Variants in NELL2 observed in about 807,000 individuals in gnomAD.
The protein encoded by NELL2 is neural EGFL like 2, also known as protein kinase C-binding protein NELL2.
NELL2 carries 41 observed loss-of-function variants against 109.6 expected under a neutral mutation model. The ratio of observed to expected loss-of-function variants is 0.37; its 90% CI spans 0.29 to 0.49. The LOEUF is 0.49. Among genes scored for constraint, NELL2 ranks in the 20% least tolerant of loss-of-function variants. The pLI, the probability that NELL2 is intolerant of heterozygous loss-of-function variation, is 0.98. For synonymous variants in NELL2, 355 were observed against 344.7 expected (o/e 1.03, Z -0.33); for missense variants, 900 against 1,008.3 (o/e 0.89, Z 1.45).
intron 2 of NELL2, among the ~76,000 whole-genome samples, chr12:44,853,797 T>C (rs1411233948): frequency 6.6e-6 from 1 of 152,192 alleles, no homozygotes; most frequent in African/African-American, 2.4e-5. Flanking sequence ...TCTATTTTTA[T>C]AGTATAATTA....
At chr12:44,789,744 G>C (rs1482564943) in intron 3 of NELL2, among the ~76,000 whole-genome samples, 4 of 151,948 alleles carry the variant, frequency 2.6e-5, no homozygotes, top group African/African-American at 9.7e-5. Context: ...AGTGAAGGGA[G>C]AAATAGTCAA....
At chr12:44,894,208 T>G (rs1479649367) in intron 1 of NELL2, among the ~76,000 whole-genome samples, 1 of 152,218 alleles carries the variant, frequency 6.6e-6, no homozygotes, top group Non-Finnish European at 1.5e-5. Flanking sequence ...TACACACACT[T>G]TGAATGAACA....
intron 1 of NELL2, among the ~76,000 whole-genome samples, chr12:44,919,709 G>C (rs1045111808): frequency 2.0e-5 from 3 of 152,110 alleles, no homozygotes; most frequent in Admixed American, 6.6e-5. Context: ...GCATGGAATC[G>C]ATTCTCTCCC....
chr12:44,652,221 T>G (rs560470531), intron 13 of NELL2, among the ~76,000 whole-genome samples: 2 of 152,332 alleles, frequency 1.3e-5, no homozygotes, highest in East Asian at 3.9e-4. Context: ...AAATCTACAT[T>G]TTTTATAGTT....
intron 15 of NELL2, among the ~76,000 whole-genome samples, chr12:44,549,338 T>C (rs914870848): frequency 6.6e-6 from 1 of 152,164 alleles, no homozygotes; most frequent in African/African-American, 2.4e-5. Context: ...CAGTCTCTTA[T>C]TATTCTGCTG....
intron 9 of NELL2, among the ~76,000 whole-genome samples, chr12:44,757,762 T>C (rs1211894870): frequency 1.3e-5 from 2 of 152,118 alleles, no homozygotes; most frequent in African/African-American, 2.4e-5. Context: ...TGAAAAATAC[T>C]GTGGCAGTAT....
intron 19 of NELL2, among the ~76,000 whole-genome samples, chr12:44,518,145 CTT>C (rs1253333486): frequency 6.6e-6 from 1 of 151,934 alleles, no homozygotes; most frequent in Non-Finnish European, 1.5e-5. Flanking sequence ...AAAGAAATGA[CTT>C]TAATATCAAA....
At chr12:44,858,235 A>G (rs1442167116) in intron 2 of NELL2, among the ~76,000 whole-genome samples, 16 of 152,214 alleles carry the variant, frequency 1.1e-4, no homozygotes, top group Admixed American at 1.0e-3. Context: ...CTGGAGATGA[A>G]GATGTCTAGC....
intron 1 of NELL2, chr12:44,913,733 C>T: frequency 1.6e-6 from 1 of 616,884 alleles, no homozygotes; most frequent in Non-Finnish European, 2.7e-6. Context: ...ACTATACCCT[C>T]CTTAAAGAAT....
At chr12:44,814,317 A>T (rs931070763) in intron 3 of NELL2, among the ~76,000 whole-genome samples, 5 of 152,224 alleles carry the variant, frequency 3.3e-5, no homozygotes, top group Admixed American at 2.6e-4. Context: ...GCAAAATCTA[A>T]TGTGCAAAAT....
chr12:44,872,856 C>T (rs543431602), intron 2 of NELL2, among the ~76,000 whole-genome samples: 53 of 152,162 alleles, frequency 3.5e-4, no homozygotes, highest in Non-Finnish European at 6.5e-4. Context: ...GCACCCTCAA[C>T]TCACTGTAAA....
At chr12:44,749,821 A>G (rs759006231) in intron 9 of NELL2, among the ~76,000 whole-genome samples, 5 of 152,148 alleles carry the variant, frequency 3.3e-5, no homozygotes, top group Admixed American at 6.5e-5. Flanking sequence ...ATAAAAAGAA[A>G]CAGACACAAT....
At chr12:44,563,980 A>G (rs1186165000) in intron 15 of NELL2, among the ~76,000 whole-genome samples, 1 of 152,212 alleles carries the variant, frequency 6.6e-6, no homozygotes, top group Non-Finnish European at 1.5e-5. Flanking sequence ...GCATATATTG[A>G]TATAATCCTA....
At chr12:44,714,550 A>G (rs1334368759) in intron 10 of NELL2, 100 bp downstream of exon 10, 19 of 663,714 alleles carry the variant, frequency 2.9e-5, no homozygotes, top group Non-Finnish European at 4.3e-5. Context: ...TCTTTGCATT[A>G]GAATTTCAAA....
intron 15 of NELL2, among the ~76,000 whole-genome samples, chr12:44,535,169 C>T (rs1221134356): frequency 6.6e-6 from 1 of 151,884 alleles, no homozygotes; most frequent in Non-Finnish European, 1.5e-5. Context: ...AAACTTTGGG[C>T]ATTATCTTAT....
At chr12:44,845,172 T>C (rs949844557) in intron 2 of NELL2, among the ~76,000 whole-genome samples, 1 of 152,204 alleles carries the variant, frequency 6.6e-6, no homozygotes. Context: ...CCAAATTTTA[T>C]TCTAGAAACT....
intron 2 of NELL2, among the ~76,000 whole-genome samples, chr12:44,827,476 AATCCTTCCC>A (rs1185029756): frequency 2.8e-5 from 4 of 145,254 alleles, no homozygotes; most frequent in Non-Finnish European, 6.0e-5. Context: ...CCCACCCAAC[AATCCTTCCC>A]AGCCTCTGGT....
At chr12:44,795,874 A>C (rs951506298) in intron 3 of NELL2, among the ~76,000 whole-genome samples, 1 of 152,174 alleles carries the variant, frequency 6.6e-6, no homozygotes, top group African/African-American at 2.4e-5. Flanking sequence ...CAAGTAGAAA[A>C]GGGTGCATTT....
chr12:44,681,279 G>GT (rs11332038), intron 12 of NELL2, among the ~76,000 whole-genome samples: 45 of 138,698 alleles, frequency 3.2e-4, no homozygotes, highest in South Asian at 1.2e-3. Flanking sequence ...GACTAGTTTT[G>GT]TTTTTTTTTT....
Sources: gnomAD v4.1 joint callset for allele counts (sites outside exome capture counted in the v4.1 genomes callset) on GRCh38, gnomAD v4.1.1 for gene constraint, MANE v1.5 for transcripts, NCBI Gene and HGNC (gene_info 2026-07-23, HGNC 2026-07-21) for gene names.